The following A4GNT variants were observed in gnomAD, a reference collection of about 807,000 sequenced individuals.
A4GNT encodes the protein alpha-1,4-N-acetylglucosaminyltransferase.
A neutral mutation model predicts 8.3 loss-of-function variants in A4GNT; 6 were observed. That is an observed-to-expected ratio of 0.72 (90% confidence interval 0.39 to 1.42). The LOEUF is 1.42. Among genes scored for constraint, A4GNT ranks in the 40% most tolerant of loss-of-function variants. The pLI, the probability that A4GNT is intolerant of heterozygous loss-of-function variation, is 0.02. For missense variants in A4GNT, 377 were observed against 417.0 expected, an observed-to-expected ratio of 0.90 and a Z score of 0.84; for synonymous variants, 157 against 159.8, an observed-to-expected ratio of 0.98 and a Z score of 0.13.
Position 138,124,692 on chromosome 3 carries a change from G to C in A4GNT, c.595C>G (p.Pro199Ala), listed in dbSNP as rs983751562. 2.5e-6 allele frequency: 4 copies of C among 1,614,072 alleles called. No homozygotes were observed. The highest frequency in any genetic ancestry group is 3.4e-6 in the Non-Finnish European group (4 of 1,180,054). Residue 199 changes from proline (P) to alanine (A), a missense_variant, in exon 3 of 3, where the codon CCC (proline) becomes GCC (alanine). Pro to Ala is a conservative substitution (Grantham distance 27). Transcript: ENST00000236709. Reference protein sequence around the residue: ...YSSNGIFGFLPHHPFLWECME... With the variant: ...YSSNGIFGFLAHHPFLWECME... ...CATTCCCACAAAAAGGGGTGGTGGG[G>C]GAGGAACCCAAATATTCCATTACTA...
Position 138,124,055 on chromosome 3 carries a change from T to G in A4GNT, c.*209A>C. 3.4e-6 allele frequency: 2 copies of G among 587,638 alleles called. No homozygotes were observed. The highest frequency in any genetic ancestry group is 5.6e-6 in the Non-Finnish European group (2 of 357,624). The allele number at this position is 587,638 out of a possible 1,614,324, so 36.4% of individuals were successfully genotyped here. A position where few individuals can be genotyped will look rare whatever the true frequency, so the allele number is the denominator to read the frequency against. On this transcript the variant is annotated 3_prime_UTR_variant, in exon 3 of 3. Transcript: ENST00000236709. ...AAATGCAAACATGGTGGGTTGGAGGTCAAGCAGTCAAATGGACCATGGGTG... is the reference window on the plus strand; with the variant it reads ...AAATGCAAACATGGTGGGTTGGAGGGCAAGCAGTCAAATGGACCATGGGTG...
intron 2 of A4GNT, among the ~76,000 whole-genome samples, chr3:138,127,673 C>T (rs972423796): frequency 1.3e-5 from 2 of 152,146 alleles, no homozygotes; most frequent in African/African-American, 4.8e-5. Context: ...CCCATCCCCA[C>T]CCTATGCCCA....
In A4GNT at chr3:138,124,552, G is replaced by A. The variant is rs756953597; in HGVS notation, c.735C>T (p.Ser245=). ...AGGATATGTTCAGACACCTGAGGTCGCTCACCTCCTGGAAGTCTTCAAGTT... is the reference window on the plus strand; with the variant it reads ...AGGATATGTTCAGACACCTGAGGTCACTCACCTCCTGGAAGTCTTCAAGTT... ...WCKLEDFQEV[S]DLRCLNISFL... The change falls in exon 3 of 3, where the codon AGC becomes AGT. Residue 245 remains serine (S), a synonymous_variant. Coordinates refer to ENST00000236709, the MANE Select transcript of A4GNT (RefSeq NM_016161.3). The A allele has an allele frequency of 1.6e-5, 26 of 1,614,084 alleles. No homozygotes were observed. The highest frequency in any genetic ancestry group is 1.3e-4 in the Admixed American group (8 of 59,998).
chr3:138,127,550 T>A (rs1380745927), intron 2 of A4GNT, among the ~76,000 whole-genome samples: 9 of 148,094 alleles, frequency 6.1e-5, no homozygotes, highest in Non-Finnish European at 1.3e-4. Flanking sequence ...CTCCAGCCTG[T>A]GCGACAGAGC....
chr3:138,124,664 A>T lies in A4GNT; in HGVS notation c.623T>A (p.Met208Lys), dbSNP rs763752728. The T allele has an allele frequency of 3.1e-6, 5 of 1,614,100 alleles. No individual in the cohort carries two copies. Among genetic ancestry groups the T allele is most frequent in the Non-Finnish European group, 4.2e-6 (5 of 1,180,036 alleles). ...LPHHPFLWEC[M>K]ENFVEHYNSA... is the part of the protein sequence containing the mutation. ...ATTATAGTGTTCAACAAAGTTTTCC[A>T]TGCATTCCCACAAAAAGGGGTGGTG... The change falls in exon 3 of 3, where the codon ATG becomes AAG. Residue 208 changes from methionine (M) to lysine (K), a missense_variant. Met to Lys is a moderately conservative substitution (Grantham distance 95). Coordinates refer to ENST00000236709, the MANE Select transcript of A4GNT (RefSeq NM_016161.3).
upstream of A4GNT, chr3:138,132,521 G>A (rs886795088): frequency 2.6e-5 from 4 of 152,132 alleles, no homozygotes; most frequent in African/African-American, 7.2e-5. Context: ...CCTTTACTAA[G>A]TTCTCCCAAA....
At chr3:138,125,169 A>G in intron 2 of A4GNT, among the ~76,000 whole-genome samples, 1 of 152,228 alleles carries the variant, frequency 6.6e-6, no homozygotes, top group East Asian at 1.9e-4. Flanking sequence ...AAGATAAAGA[A>G]GAAATCCAGA....
intron 1 of A4GNT, among the ~76,000 whole-genome samples, chr3:138,131,589 A>C (rs1177861624): frequency 6.6e-6 from 1 of 152,150 alleles, no homozygotes; most frequent in East Asian, 1.9e-4. Context: ...GAAAAAGACA[A>C]GAAATATGTG....
intron 2 of A4GNT, among the ~76,000 whole-genome samples, chr3:138,127,118 CAA>C (rs898641661): frequency 1.5e-4 from 5 of 34,078 alleles, no homozygotes; most frequent in African/African-American, 1.9e-4. Context: ...GACTCCATCT[CAA>C]AAAAAAAAAA....
At chr3:138,124,966 G>A (rs980726364) in intron 2 of A4GNT, 88 bp from the exon 3 acceptor site, 45 of 1,493,540 alleles carry the variant, frequency 3.0e-5, no homozygotes, top group African/African-American at 1.3e-4. Flanking sequence ...AGAGGCTGGG[G>A]AGGGGTTAAA....
chr3:138,124,548 G>T lies in A4GNT; in HGVS notation c.739C>A (p.Leu247Ile), dbSNP rs2042733353. ...KLEDFQEVSD[L>I]RCLNISFLHP... ...AAGAAGGATATGTTCAGACACCTGA[G>T]GTCGCTCACCTCCTGGAAGTCTTCA... The change falls in exon 3 of 3, where the codon CTC becomes ATC. Residue 247 changes from leucine (L) to isoleucine (I), a missense_variant. Physicochemically the swap from Leu to Ile is conservative, Grantham distance 5. Coordinates refer to ENST00000236709, the MANE Select transcript of A4GNT (RefSeq NM_016161.3). 1 of 1,614,096 alleles carries T rather than the reference G, an allele frequency of 6.2e-7. No individual in the cohort carries two copies. The highest frequency in any genetic ancestry group is 1.7e-5 in the Admixed American group (1 of 60,012).
At chr3:138,126,882 A>G (rs1056636548) in intron 2 of A4GNT, among the ~76,000 whole-genome samples, 5 of 152,108 alleles carry the variant, frequency 3.3e-5, no homozygotes, top group South Asian at 2.1e-4. Flanking sequence ...CTGTAATCCC[A>G]GCACTTTGGG....
At chr3:138,129,563 G>C (rs2042764389) in intron 2 of A4GNT, among the ~76,000 whole-genome samples, 1 of 152,158 alleles carries the variant, frequency 6.6e-6, no homozygotes, top group Non-Finnish European at 1.5e-5. Context: ...AGAACTGTGA[G>C]AGAATGAATT....
At position 138,131,157 on chromosome 3, in the gene A4GNT, G is replaced by A. The variant is rs1045330704; in HGVS notation, c.100C>T (p.Pro34Ser). The part of the protein sequence containing the change: ...TLKSSCLFCL[P>S]SFKSHQGLEA... ...AGCCCCTGGTGGGACTTGAAAGAAG[G>A]CAAACAGAAGAGGCAGCTGGACTTC... Residue 34 changes from proline (P) to serine (S), a missense_variant, in exon 2 of 3, where the codon CCT becomes TCT. Coordinates refer to ENST00000236709, the MANE Select transcript of A4GNT (RefSeq NM_016161.3). 3 of 1,613,506 alleles carry A rather than the reference G, an allele frequency of 1.9e-6. No individual in the cohort carries two copies. Among genetic ancestry groups the A allele is most frequent in the Middle Eastern group, 1.7e-4 (1 of 6,060 alleles).
chr3:138,132,423 C>T (rs890130400), upstream of A4GNT: 1 of 152,182 alleles, frequency 6.6e-6, no homozygotes, highest in African/African-American at 2.4e-5. Context: ...TGATAAATCA[C>T]CACCCAATCT....
chr3:138,129,589 C>T (rs1000824686), intron 2 of A4GNT, among the ~76,000 whole-genome samples: 4 of 152,136 alleles, frequency 2.6e-5, no homozygotes, highest in Admixed American at 1.3e-4. Flanking sequence ...TGTTTTATGC[C>T]ACCAGGTTGG....
In A4GNT at chr3:138,131,296, CAATT is replaced by C; in HGVS notation, c.-26-18_-26-15del. 1 of 1,435,216 alleles carries C rather than the reference CAATT, an allele frequency of 7.0e-7. No individual in the cohort carries two copies. Among genetic ancestry groups the C allele is most frequent in the Non-Finnish European group, 9.2e-7 (1 of 1,086,146 alleles). The allele number at this position is 1,435,216 out of a possible 1,614,324, so 88.9% of individuals were successfully genotyped here. A position where few individuals can be genotyped will look rare whatever the true frequency, so the allele number is the denominator to read the frequency against. Reference sequence around the variant, plus strand: ...GCCAGCCTGCTCCTTTAAATCAACACAATTAATTAAAAATCACAGCTGCAAAACC... The same window carrying C: ...GCCAGCCTGCTCCTTTAAATCAACACAATTAAAAATCACAGCTGCAAAACC... On this transcript the variant is annotated splice_polypyrimidine_tract_variant and intron_variant, in intron 1 of 2. Coordinates refer to ENST00000236709, the MANE Select transcript of A4GNT (RefSeq NM_016161.3).
intron 2 of A4GNT, among the ~76,000 whole-genome samples, chr3:138,129,292 G>C (rs1468232882): frequency 6.6e-6 from 1 of 152,198 alleles, no homozygotes; most frequent in East Asian, 1.9e-4. Context: ...GATGGGGAGA[G>C]TATCCTGGAT....
rs2042729643 is a variant in A4GNT at position 138,124,072 on chromosome 3, C to T, written c.*192G>A. ...GTTGGAGGTCAAGCAGTCAAATGGA[C>T]CATGGGTGTATGTTTTATAGCCAGT... On this transcript the variant is annotated 3_prime_UTR_variant, in exon 3 of 3. Coordinates refer to ENST00000236709, the MANE Select transcript of A4GNT (RefSeq NM_016161.3). The T allele has an allele frequency of 2.8e-6, 2 of 715,310 alleles. No homozygotes were observed. Among genetic ancestry groups the T allele is most frequent in the Non-Finnish European group, 4.4e-6 (2 of 455,020 alleles). The allele number at this position is 715,310 out of a possible 1,614,324, so 44.3% of individuals were successfully genotyped here.
Sources: gnomAD v4.1 joint callset for allele counts (sites outside exome capture counted in the v4.1 genomes callset) on GRCh38, gnomAD v4.1.1 for gene constraint, MANE v1.5 for transcripts, NCBI Gene and HGNC (gene_info 2026-07-23, HGNC 2026-07-21) for gene names.